Variants in HLCS observed in about 807,000 individuals in gnomAD.
The protein encoded by HLCS is biotin--protein ligase.
In HLCS, 53 loss-of-function variants were observed where a neutral mutation model predicts 75.0. The ratio of observed to expected loss-of-function variants is 0.71; its 90% CI spans 0.57 to 0.89. HLCS has a LOEUF of 0.89. HLCS is among the 40% of genes least tolerant of loss of function. HLCS has a pLI of 0.00. For missense variants in HLCS, 966 were observed against 1,074.0 expected (o/e 0.90, Z 1.41); for synonymous variants, 431 against 428.6 (o/e 1.01, Z -0.07).
intron 9 of HLCS, 191 bp from the exon 10 acceptor site, chr21:36,756,946 T>C (rs2089627265): frequency 2.0e-6 from 2 of 985,314 alleles, no homozygotes; most frequent in Admixed American, 6.1e-5. Context: ...CCTTCTTTTA[T>C]TATTCTTGTT....
chr21:36,756,281 A>G (rs1328945515), intron 10 of HLCS, among the ~76,000 whole-genome samples: 1 of 151,710 alleles, frequency 6.6e-6, no homozygotes, highest in Admixed American at 6.6e-5. Context: ...CACTAAAAAT[A>G]CAAAAAATTA....
chr21:36,857,048 A>T (rs2063219921), intron 6 of HLCS, among the ~76,000 whole-genome samples: 1 of 152,248 alleles, frequency 6.6e-6, no homozygotes, highest in South Asian at 2.1e-4. Context: ...CACTGTTCTG[A>T]TATGCACAAA....
chr21:36,838,324 A>ACACACC (rs1047382321), intron 6 of HLCS, among the ~76,000 whole-genome samples: 1 of 151,524 alleles, frequency 6.6e-6, no homozygotes, highest in African/African-American at 2.4e-5. Flanking sequence ...ACACACACAC[A>ACACACC]CACACCCCCA....
intron 6 of HLCS, among the ~76,000 whole-genome samples, chr21:36,817,821 A>G (rs2061707407): frequency 6.6e-6 from 1 of 152,214 alleles, no homozygotes; most frequent in Admixed American, 6.5e-5. Flanking sequence ...TGGTTAACCA[A>G]GCTAAACTTA....
At chr21:36,784,339 CAG>C (rs2060625268) in intron 6 of HLCS, among the ~76,000 whole-genome samples, 1 of 135,312 alleles carries the variant, frequency 7.4e-6, no homozygotes, top group Non-Finnish European at 1.5e-5. Context: ...TTTAATGAGA[CAG>C]AGTCTTGCTC....
At chr21:36,963,700 C>T (rs1021999200) in intron 1 of HLCS, among the ~76,000 whole-genome samples, 6 of 151,858 alleles carry the variant, frequency 4.0e-5, no homozygotes, top group African/African-American at 9.7e-5. Context: ...TGCGGGGAGC[C>T]GAGATCGTGC....
At chr21:36,833,909 G>A (rs1396175498) in intron 6 of HLCS, among the ~76,000 whole-genome samples, 2 of 152,150 alleles carry the variant, frequency 1.3e-5, no homozygotes, top group Admixed American at 1.3e-4. Context: ...ACAACTGCCC[G>A]GATTGAAGAG....
intron 6 of HLCS, among the ~76,000 whole-genome samples, chr21:36,848,311 C>A (rs559883789): frequency 1.3e-5 from 2 of 151,204 alleles, no homozygotes; most frequent in Non-Finnish European, 2.9e-5. Context: ...GCTCTGTCAC[C>A]CAGGCTGAAG....
At chr21:36,769,511 G>A (rs1160418577) in intron 6 of HLCS, among the ~76,000 whole-genome samples, 1 of 152,200 alleles carries the variant, frequency 6.6e-6, no homozygotes, top group Non-Finnish European at 1.5e-5. Context: ...ACAAAAAGGA[G>A]GGGGGTTCCA....
At chr21:36,769,751 C>T (rs2090166886) in intron 6 of HLCS, among the ~76,000 whole-genome samples, 2 of 152,210 alleles carry the variant, frequency 1.3e-5, no homozygotes, top group Non-Finnish European at 2.9e-5. Context: ...TAAGGACAGC[C>T]CAGTAGCCAC....
Position 36,754,358 on chromosome 21 carries a change from T to A in HLCS, c.2510A>T (p.Asp837Val), listed in dbSNP as rs149733264. ...EGPKVSIVGL[D>V]DSGFLQVHQE... Reference sequence around the variant, plus strand: ...GTGAACCTGGAGGAAGCCAGAATCGTCCAGGCCAACGATGGACACCTTTGG... The same window carrying A: ...GTGAACCTGGAGGAAGCCAGAATCGACCAGGCCAACGATGGACACCTTTGG... Residue 837 changes from aspartate (D) to valine (V), a missense_variant, in exon 11 of 11, where the codon GAC becomes GTC. Transcript: ENST00000674895. 2.5e-6 allele frequency: 4 copies of A among 1,613,804 alleles called. No individual in the cohort carries two copies. The African/African-American group carries it at 5.3e-5, about 22-fold the overall frequency.
chr21:36,909,771 T>C (rs1221183006), intron 5 of HLCS, among the ~76,000 whole-genome samples: 1 of 152,152 alleles, frequency 6.6e-6, no homozygotes, highest in Non-Finnish European at 1.5e-5. Flanking sequence ...GTTCCACCCC[T>C]GTTACTTGTC....
intron 6 of HLCS, chr21:36,851,973 G>A (rs1413837746): frequency 3.3e-5 from 5 of 152,278 alleles, no homozygotes; most frequent in African/African-American, 9.6e-5. Flanking sequence ...AAGCGGGGTT[G>A]GGCCTGGCTA....
At chr21:36,854,527 G>A (rs1227526766) in intron 6 of HLCS, among the ~76,000 whole-genome samples, 6 of 152,190 alleles carry the variant, frequency 3.9e-5, no homozygotes, top group African/African-American at 7.2e-5. Flanking sequence ...TTTTCCTCCT[G>A]TTTATGAGAG....
At chr21:36,860,732 G>A (rs755136454) in intron 6 of HLCS, among the ~76,000 whole-genome samples, 1 of 152,178 alleles carries the variant, frequency 6.6e-6, no homozygotes, top group Non-Finnish European at 1.5e-5. Flanking sequence ...GTTTAGACAC[G>A]GCACATCTGG....
At position 36,938,945 on chromosome 21, in the gene HLCS, T is replaced by A; in HGVS notation, c.380A>T (p.Asp127Val). 2 of 1,612,986 alleles carry A rather than the reference T, an allele frequency of 1.2e-6. No homozygotes were observed. Among genetic ancestry groups the A allele is most frequent in the Non-Finnish European group, 1.7e-6 (2 of 1,179,992 alleles). The change falls in exon 3 of 11, where the codon GAT (aspartate) becomes GTT (valine). Residue 127 changes from aspartate (D) to valine (V), a missense_variant. By Grantham distance (152) the Asp-to-Val change is radical. Coordinates refer to ENST00000674895, the MANE Select transcript of HLCS (RefSeq NM_001352514.2). ...CCLPLACRPG[D>V]PYRLIAEASV... Reference sequence around the variant, plus strand: ...TGCTTCAGCAATTAGCCGATAAGGATCCCCAGGTCTGCAAGCTAATGGCAA... The same window carrying A: ...TGCTTCAGCAATTAGCCGATAAGGAACCCCAGGTCTGCAAGCTAATGGCAA...
chr21:36,890,789 C>A (rs1420213721), intron 6 of HLCS, among the ~76,000 whole-genome samples: 1 of 152,162 alleles, frequency 6.6e-6, no homozygotes. Context: ...CTCTAATTAC[C>A]TTGAGTAAGC....
At chr21:36,916,347 T>G (rs1453708249) in intron 5 of HLCS, among the ~76,000 whole-genome samples, 1 of 151,994 alleles carries the variant, frequency 6.6e-6, no homozygotes, top group South Asian at 2.1e-4. Flanking sequence ...TTTTTTATGT[T>G]CTGTAATTTA....
chr21:36,772,303 A>G (rs1601174731), intron 6 of HLCS, among the ~76,000 whole-genome samples: 1 of 152,252 alleles, frequency 6.6e-6, no homozygotes, highest in South Asian at 2.1e-4. Flanking sequence ...TAAAAACAGT[A>G]TCGTAGAATG....
Sources: gnomAD v4.1 joint callset for allele counts (sites outside exome capture counted in the v4.1 genomes callset) on GRCh38, gnomAD v4.1.1 for gene constraint, MANE v1.5 for transcripts, NCBI Gene and HGNC (gene_info 2026-07-23, HGNC 2026-07-21) for gene names.